Variants in SYNE3 observed in about 807,000 individuals in gnomAD.
SYNE3 encodes spectrin repeat containing nuclear envelope family member 3, also known as nesprin-3.
In SYNE3, 100 loss-of-function variants were observed where a neutral mutation model predicts 111.2. That is an observed-to-expected ratio of 0.90 (90% CI 0.77 to 1.06). SYNE3 has a LOEUF of 1.06. Ranked by LOEUF, SYNE3 falls within the 50% of genes least tolerant of loss-of-function variation. The pLI, the probability that SYNE3 is intolerant of heterozygous loss-of-function variation, is 0.00. For synonymous variants in SYNE3, 547 were observed against 533.9 expected, an observed-to-expected ratio of 1.02 and a Z score of -0.34; for missense variants, 1,160 against 1,240.3, an observed-to-expected ratio of 0.94 and a Z score of 0.97.
chr14:95,437,054 C>A, intron 14 of SYNE3, 73 bp from the exon 15 acceptor site: 14 of 1,595,026 alleles, frequency 8.8e-6, no homozygotes, highest in Non-Finnish European at 1.2e-5. Context: ...GGAATTCCAC[C>A]TGAGGCAGAG....
intron 17 of SYNE3, among the ~76,000 whole-genome samples, chr14:95,427,926 C>T (rs1468404762): frequency 6.6e-6 from 1 of 152,242 alleles, no homozygotes. Context: ...TATGATCTAA[C>T]ATGGAATACT....
intron 4 of SYNE3, among the ~76,000 whole-genome samples, chr14:95,458,573 C>T (rs557484446): frequency 1.3e-5 from 2 of 152,344 alleles, no homozygotes; most frequent in Non-Finnish European, 2.9e-5. Flanking sequence ...CCCAGGCCCC[C>T]TTCTCACTCT....
chr14:95,427,579 C>T (rs1747024), intron 17 of SYNE3, among the ~76,000 whole-genome samples: 55,492 of 147,304 alleles, frequency 0.38, 12,113 homozygotes, highest in Non-Finnish European at 0.51. Context: ...CTCTCTCTCC[C>T]TCTCTCTCCC....
chr14:95,462,172 T>C (rs772917648), intron 4 of SYNE3, among the ~76,000 whole-genome samples: 1 of 152,154 alleles, frequency 6.6e-6, no homozygotes, highest in Non-Finnish European at 1.5e-5. Context: ...TCATACCTTC[T>C]GAATACAAGA....
chr14:95,439,494 G>A (rs1047398794), intron 13 of SYNE3, 118 bp downstream of exon 13: 80 of 1,355,642 alleles, frequency 5.9e-5, no homozygotes, highest in South Asian at 1.7e-4. Context: ...AGGTGCCCAC[G>A]GCCCCTGGCT....
At chr14:95,433,128 T>C in intron 16 of SYNE3, 132 bp downstream of exon 16, 2 of 1,306,920 alleles carry the variant, frequency 1.5e-6, no homozygotes, top group Non-Finnish European at 2.1e-6. Flanking sequence ...TCTGCCTGAG[T>C]GGTCACCACT....
At chr14:95,513,633 A>T (rs1426638132) in intron 1 of SYNE3, among the ~76,000 whole-genome samples, 3 of 151,378 alleles carry the variant, frequency 2.0e-5, no homozygotes, top group Non-Finnish European at 4.4e-5. Context: ...GCCCCAGAAC[A>T]TCATCCCTAA....
intron 17 of SYNE3, among the ~76,000 whole-genome samples, chr14:95,425,952 C>T (rs1053930676): frequency 4.6e-5 from 7 of 152,152 alleles, no homozygotes; most frequent in African/African-American, 9.6e-5. Flanking sequence ...CCGTGGTCAT[C>T]GACCCCAGTG....
chr14:95,447,279 GC>G lies in SYNE3; in HGVS notation c.1450-1189del, dbSNP rs528258061. ...CTCCCGAGTAGCTGGGACTACAGGC[GC>G]CCACCACCACACCCGGCTAATTTTT... On this transcript the variant is annotated intron_variant, in intron 8 of 17. Transcript: ENST00000682763. Among the ~76,000 whole-genome samples, 37 of 151,924 alleles carry G rather than the reference GC, an allele frequency of 2.4e-4. No homozygotes were observed. The East Asian group carries it at 4.3e-3, about 18-fold the overall frequency.
At position 95,475,801 on chromosome 14, in the gene SYNE3, G is replaced by T. The variant is rs372442807; in HGVS notation, c.21C>A (p.Asp7Glu). ...CATCCTCCACGCTCCTGTCAAAGTC[G>T]TCCTGGGGCTGCTGAGTCATGGCAC... is the stretch of plus-strand genomic sequence containing the variant. Reference protein sequence around the residue: MTQQPQDDFDRSVEDAQ... With the variant: MTQQPQEDFDRSVEDAQ... Residue 7 changes from aspartate (D) to glutamate (E), a missense_variant, in exon 2 of 18, where the codon GAC becomes GAA. Asp to Glu is a conservative substitution (Grantham distance 45). Coordinates refer to ENST00000682763, the MANE Select transcript of SYNE3 (RefSeq NM_152592.6). The T allele has an allele frequency of 1.9e-6, 3 of 1,575,438 alleles. No individual in the cohort carries two copies. The highest frequency in any genetic ancestry group is 2.6e-6 in the Non-Finnish European group (3 of 1,163,408).
chr14:95,455,154 G>A (rs1405022601), intron 6 of SYNE3, among the ~76,000 whole-genome samples: 1 of 152,114 alleles, frequency 6.6e-6, no homozygotes, highest in Non-Finnish European at 1.5e-5. Flanking sequence ...GGATGTTGGG[G>A]AAAAAAGTCT....
At chr14:95,478,403 G>A (rs1254054295) in intron 1 of SYNE3, among the ~76,000 whole-genome samples, 2 of 152,150 alleles carry the variant, frequency 1.3e-5, no homozygotes, top group Non-Finnish European at 2.9e-5. Context: ...GGGTTGAGAG[G>A]GTCGATGTTA....
At position 95,497,122 on chromosome 14, in the gene SYNE3, C is replaced by A. The variant is rs1041482673; in HGVS notation, c.-15+19474G>T. 3.9e-4 allele frequency among the ~76,000 whole-genome samples: 60 copies of A among 152,232 alleles called. 1 individual carries two copies. The highest frequency in any genetic ancestry group is 1.3e-4 in the Admixed American group (2 of 15,288). ...GGCTGAGGGGGCCTGGCAGGGCTCA[C>A]TCCTGGTGAGTCACTGCCCCAGCCC... On this transcript the variant is annotated intron_variant, in intron 1 of 17. Coordinates refer to ENST00000682763, the MANE Select transcript of SYNE3 (RefSeq NM_152592.6).
intron 14 of SYNE3, chr14:95,438,082 A>G (rs1886198850): frequency 6.6e-6 from 1 of 151,860 alleles, no homozygotes; most frequent in Non-Finnish European, 1.5e-5. Context: ...TTTTTTGTTG[A>G]TTGATTGATT....
At chr14:95,437,306 T>C (rs796214604) in intron 14 of SYNE3, among the ~76,000 whole-genome samples, 8 of 152,350 alleles carry the variant, frequency 5.3e-5, no homozygotes, top group African/African-American at 1.9e-4. Context: ...CTGTCTATGA[T>C]GCAAGCCCAT....
At chr14:95,499,184 G>T (rs796437534) in intron 1 of SYNE3, among the ~76,000 whole-genome samples, 2 of 152,152 alleles carry the variant, frequency 1.3e-5, no homozygotes, top group African/African-American at 4.8e-5. Context: ...TTCATTTCCC[G>T]GGAAACCTGC....
rs372113305 is a variant in SYNE3, at chr14:95,515,270, G to C, written c.-15+1326C>G. Among the ~76,000 whole-genome samples, 16 of 152,334 alleles carry C rather than the reference G, an allele frequency of 1.1e-4. 1 individual carries two copies. In the South Asian group the frequency reaches 1.7e-3, roughly 16 times the overall value. On this transcript the variant is annotated intron_variant, in intron 1 of 17. Transcript: ENST00000682763. ...TGTGGCTGTCAGCCTGCCGAGCACC[G>C]TCCGGCCTGAGGAATGTGCAGACCC...
intron 15 of SYNE3, among the ~76,000 whole-genome samples, chr14:95,433,626 G>T (rs1351038722): frequency 6.6e-6 from 1 of 152,230 alleles, no homozygotes; most frequent in Non-Finnish European, 1.5e-5. Context: ...CATGGAACGG[G>T]CAGCTGGGCT....
chr14:95,483,401 T>C (rs1889370524), intron 1 of SYNE3, among the ~76,000 whole-genome samples: 3 of 152,196 alleles, frequency 2.0e-5, no homozygotes, highest in African/African-American at 7.2e-5. Context: ...ATTCCTGCCC[T>C]GCCACACACA....
Sources: allele counts gnomAD v4.1 joint callset (sites outside exome capture counted in the v4.1 genomes callset), GRCh38; gene constraint gnomAD v4.1.1; transcripts MANE v1.5; gene names NCBI Gene and HGNC (gene_info 2026-07-23, HGNC 2026-07-21).